NKAIN3: variants seen among roughly 807,000 people sequenced by gnomAD.
The protein encoded by NKAIN3 is sodium/potassium transporting ATPase interacting 3, also known as sodium/potassium-transporting ATPase subunit beta-1-interacting protein 3.
In NKAIN3, 25 loss-of-function variants were observed where a neutral mutation model predicts 30.2. That is an observed-to-expected ratio of 0.83 (90% CI 0.60 to 1.16). NKAIN3 has a LOEUF of 1.16. NKAIN3 is among the 50% of genes most tolerant of loss of function. The probability of loss-of-function intolerance (pLI) is 0.00; values close to 1 mark genes in which losing one functional copy is unlikely to be tolerated. For synonymous variants in NKAIN3, 91 were observed against 89.6 expected, an observed-to-expected ratio of 1.02 and a Z score of -0.09; for missense variants, 225 against 254.1, an observed-to-expected ratio of 0.89 and a Z score of 0.78.
intron 4 of NKAIN3, among the ~76,000 whole-genome samples, chr8:62,853,352 G>T (rs2199836): frequency 0.083 from 12,657 of 152,110 alleles, 809 homozygotes; most frequent in East Asian, 0.29. Context: ...GTGTGTCTCT[G>T]CACGTGAGAT....
intron 3 of NKAIN3, among the ~76,000 whole-genome samples, chr8:62,625,692 A>G (rs1811766999): frequency 6.6e-6 from 1 of 152,104 alleles, no homozygotes; most frequent in Non-Finnish European, 1.5e-5. Context: ...AATTTGCATA[A>G]GGATTGAGAA....
chr8:62,985,042 A>C (rs1824174955), downstream of NKAIN3: 1 of 152,234 alleles, frequency 6.6e-6, no homozygotes, highest in Non-Finnish European at 1.5e-5. Context: ...CACAAATAAA[A>C]GTCTTAAGCT....
chr8:62,455,655 C>A (rs1196823405), intron 1 of NKAIN3, among the ~76,000 whole-genome samples: 1 of 152,120 alleles, frequency 6.6e-6, no homozygotes, highest in South Asian at 2.1e-4. Flanking sequence ...TGTACTTGTA[C>A]CCCCTGAACC....
downstream of NKAIN3, among the ~76,000 whole-genome samples, chr8:62,988,898 C>G (rs923051178): frequency 4.6e-5 from 7 of 152,134 alleles, no homozygotes; most frequent in African/African-American, 1.7e-4. Flanking sequence ...CTGCTTCCTC[C>G]TGAATGCGTC....
At chr8:62,522,148 T>G (rs1379802914) in intron 1 of NKAIN3, among the ~76,000 whole-genome samples, 1 of 152,132 alleles carries the variant, frequency 6.6e-6, no homozygotes, top group Non-Finnish European at 1.5e-5. Context: ...TTAAATATAG[T>G]CATATACTGC....
intron 4 of NKAIN3, among the ~76,000 whole-genome samples, chr8:62,824,597 T>A (rs1399741574): frequency 6.6e-6 from 1 of 152,036 alleles, no homozygotes; most frequent in East Asian, 1.9e-4. Flanking sequence ...GGAGAAAATG[T>A]TTGACTTCCT....
chr8:62,754,361 T>TGC (rs1816381630), intron 4 of NKAIN3, among the ~76,000 whole-genome samples: 1 of 67,060 alleles, frequency 1.5e-5, no homozygotes, highest in Non-Finnish European at 3.2e-5. Context: ...TGTTGATTAG[T>TGC]GCACACACAC....
chr8:62,693,578 C>T (rs1291073160), intron 3 of NKAIN3, among the ~76,000 whole-genome samples: 1 of 152,188 alleles, frequency 6.6e-6, no homozygotes, highest in African/African-American at 2.4e-5. Context: ...ATAAGTTCTG[C>T]TCACCACCTT....
intron 1 of NKAIN3, among the ~76,000 whole-genome samples, chr8:62,260,495 T>C (rs1332766485): frequency 6.6e-6 from 1 of 152,226 alleles, no homozygotes; most frequent in East Asian, 1.9e-4. Context: ...CAAGAAATCA[T>C]CTAGAGCCAT....
Position 62,863,353 on chromosome 8 carries a change from G to C in NKAIN3, c.472-55100G>C, listed in dbSNP as rs552752129. 1,445 of 1,546,250 alleles carry C rather than the reference G, an allele frequency of 9.3e-4. 7 individuals carry two copies. The Middle Eastern group carries it at 0.019, about 20-fold the overall frequency. On this transcript the variant is annotated intron_variant, in intron 4 of 6. Transcript: ENST00000623646. ...TGCTTTCTGCCCCTCAGTGGTCTCA[G>C]CTGCCGTTCTTCTCACATATGCATC...
intron 4 of NKAIN3, among the ~76,000 whole-genome samples, chr8:62,869,678 C>A: frequency 6.6e-6 from 1 of 152,256 alleles, no homozygotes; most frequent in Middle Eastern, 3.4e-3. Flanking sequence ...CAACCCCTTG[C>A]GGGGGGTAGG....
In NKAIN3 at chr8:62,977,338, C is replaced by G. The variant is rs1022915446; in HGVS notation, c.*11931C>G. 6.6e-6 allele frequency among the ~76,000 whole-genome samples: 1 copy of G among 152,134 alleles called. No homozygotes were observed. The highest frequency in any genetic ancestry group is 2.4e-5 in the African/African-American group (1 of 41,434). The stretch of plus-strand genomic sequence containing the variant: ...ATCACTTTTAGGTACACCAATCAAA[C>G]GTTGGCTTGGTCTTTTCACATAGTC... On this transcript the variant is annotated 3_prime_UTR_variant, in exon 7 of 7. Coordinates refer to ENST00000623646, the MANE Select transcript of NKAIN3 (RefSeq NM_001304533.3).
At chr8:62,644,922 C>T (rs2130310707) in intron 3 of NKAIN3, among the ~76,000 whole-genome samples, 1 of 152,244 alleles carries the variant, frequency 6.6e-6, no homozygotes, top group East Asian at 1.9e-4. Flanking sequence ...CCATCCATAG[C>T]TATATCATCT....
intron 4 of NKAIN3, among the ~76,000 whole-genome samples, chr8:62,883,457 G>GTTTTTTTTTTTTTT (rs71559381): frequency 1.4e-4 from 10 of 70,224 alleles, no homozygotes; most frequent in African/African-American, 4.2e-4. Flanking sequence ...AGTTTTATGG[G>GTTTTTTTTTTTTTT]TTTTTTTTTT....
At chr8:62,530,617 T>C (rs1349113879) in intron 1 of NKAIN3, among the ~76,000 whole-genome samples, 1 of 151,994 alleles carries the variant, frequency 6.6e-6, no homozygotes, top group Admixed American at 6.6e-5. Context: ...TACGTATGTA[T>C]GTATTTATTT....
intron 1 of NKAIN3, among the ~76,000 whole-genome samples, chr8:62,338,635 A>G (rs1815642773): frequency 6.6e-6 from 1 of 151,984 alleles, no homozygotes; most frequent in African/African-American, 2.4e-5. Flanking sequence ...GTATTAACTC[A>G]CGTGATCACA....
In NKAIN3 at chr8:62,319,255, A is replaced by G. The variant is rs370811342; in HGVS notation, c.54+70128A>G. On this transcript the variant is annotated intron_variant, in intron 1 of 6. Coordinates refer to ENST00000623646, the MANE Select transcript of NKAIN3 (RefSeq NM_001304533.3). ...TTATTAGTCTTGCTAGTGGTCTATC[A>G]ATTTTGTTGATCTTTTCAAAAAACC... Among the ~76,000 whole-genome samples the G allele has an allele frequency of 9.2e-5, 14 of 151,762 alleles. 1 individual carries two copies. The East Asian group carries it at 2.3e-3, about 25-fold the overall frequency.
chr8:62,823,700 T>A (rs976151497), intron 4 of NKAIN3, among the ~76,000 whole-genome samples: 1 of 152,222 alleles, frequency 6.6e-6, no homozygotes, highest in African/African-American at 2.4e-5. Flanking sequence ...TCCACCTTTA[T>A]AATCGCTGGA....
intron 4 of NKAIN3, among the ~76,000 whole-genome samples, chr8:62,799,609 A>T (rs1817987928): frequency 6.6e-6 from 1 of 152,242 alleles, no homozygotes; most frequent in Admixed American, 6.5e-5. Flanking sequence ...AATGTAAACT[A>T]GTATAACCAC....
Sources: allele counts gnomAD v4.1 joint callset (sites outside exome capture counted in the v4.1 genomes callset), GRCh38; gene constraint gnomAD v4.1.1; transcripts MANE v1.5; gene names NCBI Gene and HGNC (gene_info 2026-07-23, HGNC 2026-07-21).